The following UBOX5 variants were observed in gnomAD, a reference collection of about 807,000 sequenced individuals.
UBOX5 encodes RING finger protein 37.
In UBOX5, 28 loss-of-function variants were observed where a neutral mutation model predicts 39.0. The observed-to-expected ratio is 0.72, with a 90% CI of 0.53 to 0.98. The LOEUF (loss-of-function observed/expected upper bound fraction) is 0.98, where lower values mean the gene tolerates loss of function less well. Among genes scored for constraint, UBOX5 ranks in the 50% least tolerant of loss-of-function variants. UBOX5 has a pLI of 0.00. For synonymous variants in UBOX5, 283 were observed against 275.5 expected, an observed-to-expected ratio of 1.03 and a Z score of -0.27; for missense variants, 585 against 674.4, an observed-to-expected ratio of 0.87 and a Z score of 1.47.
At chr20:3,148,784 G>A (rs1430106485) in intron 1 of UBOX5, 1 of 1,614,218 alleles carries the variant, frequency 6.2e-7, no homozygotes, top group Non-Finnish European at 8.5e-7. Context: ...TGTGGCCCTG[G>A]GTGAGCCCAG....
In UBOX5 at chr20:3,121,711, C is replaced by A. The variant is rs1276381505; in HGVS notation, c.928G>T (p.Val310Leu). 1 of 1,613,970 alleles carries A rather than the reference C, an allele frequency of 6.2e-7. No homozygotes were observed. The highest frequency in any genetic ancestry group is 1.3e-5 in the African/African-American group (1 of 75,002). ...GGCTGAGAGTGCGGAGTAAAAGCTA[C>A]CCCCGTGAAAGGGTCACTGGGCACT... ...GRVPSDPFTG[V>L]AFTPHSQPLP... The change falls in exon 3 of 5, where the codon GTA becomes TTA. Residue 310 changes from valine to leucine, a missense_variant. By Grantham distance (32) the Val-to-Leu change is conservative. Coordinates refer to ENST00000217173, the MANE Select transcript of UBOX5 (RefSeq NM_014948.4).
At chr20:3,135,796 A>G (rs1283817853) in intron 1 of UBOX5, among the ~76,000 whole-genome samples, 1 of 152,156 alleles carries the variant, frequency 6.6e-6, no homozygotes, top group Non-Finnish European at 1.5e-5. Context: ...TAAAAAAAAA[A>G]AAGTTGAAAG....
At chr20:3,117,088 T>C (rs924618496) in intron 3 of UBOX5, among the ~76,000 whole-genome samples, 1 of 149,044 alleles carries the variant, frequency 6.7e-6, no homozygotes, top group African/African-American at 2.5e-5. Context: ...AGAGCGAGAC[T>C]CCATCTCAAA....
rs2066579809 is a variant in UBOX5, at chr20:3,147,626, A to C, written c.-42+12140T>G. On this transcript the variant is annotated intron_variant, in intron 1 of 4. Transcript: ENST00000217173. ...AATTAACTCTACTGGAAAGTACTCC[A>C]AAAATGCCAGGCCCAGCAGGCAGGT... 2.0e-5 allele frequency: 32 copies of C among 1,614,220 alleles called. No individual in the cohort carries two copies. Among genetic ancestry groups the C allele is most frequent in the Non-Finnish European group, 2.7e-5 (32 of 1,180,036 alleles).
At position 3,121,370 on chromosome 20, in the gene UBOX5, G is replaced by A. The variant is rs370219523; in HGVS notation, c.1255+14C>T. On this transcript the variant is annotated intron_variant, in intron 3 of 4. Transcript: ENST00000217173. ...ATGGATGAGCCTGGCTGCGGACACAGGATGCTGAATTACCTGTCGAGCAGT... is the reference window on the plus strand; with the variant it reads ...ATGGATGAGCCTGGCTGCGGACACAAGATGCTGAATTACCTGTCGAGCAGT... 2 of 1,594,952 alleles carry A rather than the reference G, an allele frequency of 1.3e-6. No individual in the cohort carries two copies. Among genetic ancestry groups the A allele is most frequent in the Non-Finnish European group, 8.5e-7 (1 of 1,169,632 alleles).
chr20:3,150,840 C>T (rs1304278567), intron 1 of UBOX5: 3 of 152,202 alleles, frequency 2.0e-5, no homozygotes, highest in African/African-American at 7.2e-5. Context: ...AATTCTCTCA[C>T]ATTAAATTTT....
At chr20:3,135,890 G>A (rs2148608560) in intron 1 of UBOX5, 1 of 152,248 alleles carries the variant, frequency 6.6e-6, no homozygotes, top group South Asian at 2.1e-4. Context: ...TATGCAAGAT[G>A]TTACAGCCAG....
In UBOX5 at chr20:3,159,832, T is replaced by C. The variant is rs1018711499; in HGVS notation, c.-108A>G. The stretch of plus-strand genomic sequence containing the variant: ...ACGCCGCGGGCGGCGGCGACACAGA[T>C]ACTGGCTCCTCCGGCGACTCCGAGC... On this transcript the variant is annotated 5_prime_UTR_variant, in exon 1 of 5. Transcript: ENST00000217173. The C allele has an allele frequency of 2.0e-5, 3 of 152,394 alleles. No homozygotes were observed. The highest frequency in any genetic ancestry group is 2.1e-4 in the South Asian group (1 of 4,830). The allele number at this position is 152,394 out of a possible 1,614,324, so 9.4% of individuals were successfully genotyped here. A position where few individuals can be genotyped will look rare whatever the true frequency, so the allele number is the denominator to read the frequency against.
chr20:3,132,958 C>CAAA lies in UBOX5; in HGVS notation c.-41-9555_-41-9553dup, dbSNP rs530642103. 6.8e-3 allele frequency among the ~76,000 whole-genome samples: 832 copies of CAAA among 122,392 alleles called. 5 individuals are homozygous for CAAA. Among genetic ancestry groups the CAAA allele is most frequent in the African/African-American group, 0.023 (759 of 33,638 alleles). The allele number at this position is 122,392 out of a possible 152,430, so 80.3% of individuals were successfully genotyped here. A position where few individuals can be genotyped will look rare whatever the true frequency, so the allele number is the denominator to read the frequency against. ...GCAACATAGCGAGACCCAGTCTCTA[C>CAAA]AAAAAAAAAAATTAAATAATTAATA... On this transcript the variant is annotated intron_variant, in intron 1 of 4. Transcript: ENST00000217173.
intron 1 of UBOX5, chr20:3,147,104 T>C (rs747361719): frequency 2.5e-6 from 4 of 1,613,994 alleles, no homozygotes; most frequent in Non-Finnish European, 2.5e-6. Flanking sequence ...ATTCTCCAAC[T>C]CCATGGGCTG....
In UBOX5 at chr20:3,149,355, C is replaced by G; in HGVS notation, c.-42+10411G>C. The G allele has an allele frequency of 2.5e-6, 1 of 401,732 alleles. No individual in the cohort carries two copies. The highest frequency in any genetic ancestry group is 4.3e-5 in the East Asian group (1 of 23,248). The allele number at this position is 401,732 out of a possible 1,614,324, so 24.9% of individuals were successfully genotyped here. A position where few individuals can be genotyped will look rare whatever the true frequency, so the allele number is the denominator to read the frequency against. Reference sequence around the variant, plus strand: ...AAACAGGTTGAAACTACACTGCTGTCTACTCAAATAAGTTCAATGCTAGTA... The same window carrying G: ...AAACAGGTTGAAACTACACTGCTGTGTACTCAAATAAGTTCAATGCTAGTA... On this transcript the variant is annotated intron_variant, in intron 1 of 4. Coordinates refer to ENST00000217173, the MANE Select transcript of UBOX5 (RefSeq NM_014948.4). This position sits in a 1 kb window ranked among gnomAD's most constrained non-coding sequence, Gnocchi z 4.1.
intron 1 of UBOX5, among the ~76,000 whole-genome samples, chr20:3,157,097 C>T (rs2066693405): frequency 8.2e-6 from 1 of 122,210 alleles, no homozygotes; most frequent in South Asian, 2.4e-4. Flanking sequence ...CCTGTCTCTA[C>T]CAAAAAAAAA....
chr20:3,124,131 C>T (rs1455043661), intron 1 of UBOX5, among the ~76,000 whole-genome samples: 1 of 152,160 alleles, frequency 6.6e-6, no homozygotes. Context: ...CTCAGGAGTT[C>T]AAGGCTGCAG....
At chr20:3,151,040 C>T (rs956732367) in intron 1 of UBOX5, among the ~76,000 whole-genome samples, 39 of 152,026 alleles carry the variant, frequency 2.6e-4, no homozygotes, top group African/African-American at 9.2e-4. Flanking sequence ...CACCACCAAA[C>T]CCAGTTAGTG....
chr20:3,111,998 G>T (rs1021300637), intron 4 of UBOX5, among the ~76,000 whole-genome samples: 1 of 152,178 alleles, frequency 6.6e-6, no homozygotes, highest in Non-Finnish European at 1.5e-5. Context: ...CTGTAGCCAG[G>T]AAAGAGTGGC....
chr20:3,112,960 C>T (rs916982161), intron 4 of UBOX5, among the ~76,000 whole-genome samples: 2 of 149,278 alleles, frequency 1.3e-5, no homozygotes, highest in African/African-American at 5.0e-5. Flanking sequence ...AGCGAGACTC[C>T]ATCTCAAAAA....
At chr20:3,114,820 C>T (rs73608119) in intron 4 of UBOX5, among the ~76,000 whole-genome samples, 4 of 151,926 alleles carry the variant, frequency 2.6e-5, no homozygotes, top group African/African-American at 7.2e-5. Flanking sequence ...TGGTGGCGGG[C>T]GCCTGTAATC....
At position 3,121,455 on chromosome 20, in the gene UBOX5, G is replaced by A; in HGVS notation, c.1184C>T (p.Thr395Ile). Reference sequence around the variant, plus strand: ...CATTTTCTTAGCAGTGTGCTCTGAGGTAGTGGGTAAGACCAAAGGGCTTGT... The same window carrying A: ...CATTTTCTTAGCAGTGTGCTCTGAGATAGTGGGTAAGACCAAAGGGCTTGT... ...SATSPLVLPT[T>I]SEHTAKKMKA... Residue 395 changes from threonine to isoleucine, a missense_variant, in exon 3 of 5, where the codon ACC becomes ATC. By Grantham distance (89) the Thr-to-Ile change is moderately conservative. Transcript: ENST00000217173. 1 of 1,614,140 alleles carries A rather than the reference G, an allele frequency of 6.2e-7. No individual in the cohort carries two copies. Among genetic ancestry groups the A allele is most frequent in the Non-Finnish European group, 8.5e-7 (1 of 1,180,026 alleles).
At chr20:3,132,900 T>C (rs540659723) in intron 1 of UBOX5, among the ~76,000 whole-genome samples, 3 of 151,282 alleles carry the variant, frequency 2.0e-5, no homozygotes, top group East Asian at 1.9e-4. Flanking sequence ...GGCAGGGGGA[T>C]TGCTTGAGGT....
Sources: allele counts gnomAD v4.1 joint callset (sites outside exome capture counted in the v4.1 genomes callset), GRCh38; gene constraint gnomAD v4.1.1; non-coding constraint Gnocchi (gnomAD v3.1); transcripts MANE v1.5; gene names NCBI Gene and HGNC (gene_info 2026-07-23, HGNC 2026-07-21).